Variants in ZNF573 observed in about 807,000 individuals in gnomAD.
The protein encoded by ZNF573 is zinc finger protein 573.
A neutral mutation model predicts 57.4 loss-of-function variants in ZNF573; 41 were observed. That is an observed-to-expected ratio of 0.71 (90% CI 0.56 to 0.93). The LOEUF is 0.93. Among genes scored for constraint, ZNF573 ranks in the 40% least tolerant of loss-of-function variants. The pLI is 0.00. For missense variants in ZNF573, 730 were observed against 794.8 expected, an observed-to-expected ratio of 0.92 and a Z score of 0.98; for synonymous variants, 249 against 261.0, an observed-to-expected ratio of 0.95 and a Z score of 0.44.
chr19:37,778,430 G>C (rs1477689314), intron 1 of ZNF573: 1 of 149,824 alleles, frequency 6.7e-6, no homozygotes, highest in African/African-American at 2.4e-5. Flanking sequence ...TCGAACTCCT[G>C]ACCTCAAGTG....
chr19:37,749,647 C>T (rs1034071094), intron 4 of ZNF573, among the ~76,000 whole-genome samples: 6 of 152,046 alleles, frequency 3.9e-5, no homozygotes, highest in African/African-American at 1.4e-4. Flanking sequence ...AAATGGAGTT[C>T]ACAAATACCA....
At chr19:37,746,041 C>G (rs767956157) in intron 4 of ZNF573, among the ~76,000 whole-genome samples, 3 of 152,044 alleles carry the variant, frequency 2.0e-5, no homozygotes, top group Non-Finnish European at 4.4e-5. Flanking sequence ...TTCAAAGGAT[C>G]AAGATTGTAT....
chr19:37,753,819 T>C (rs543007976), intron 4 of ZNF573, among the ~76,000 whole-genome samples: 2 of 152,330 alleles, frequency 1.3e-5, no homozygotes, highest in East Asian at 3.9e-4. Flanking sequence ...TTACACTTAG[T>C]GTTACTTAAA....
At chr19:37,745,461 G>A (rs1474385559) in intron 4 of ZNF573, among the ~76,000 whole-genome samples, 3 of 152,130 alleles carry the variant, frequency 2.0e-5, no homozygotes, top group Admixed American at 2.0e-4. Flanking sequence ...GCAGTGACAC[G>A]ATCTCAGCTC....
Position 37,771,758 on chromosome 19 carries a change from C to T in ZNF573, c.70-62G>A, listed in dbSNP as rs576176476. 40 of 1,524,678 alleles carry T rather than the reference C, an allele frequency of 2.6e-5. No homozygotes were observed. The South Asian group carries it at 4.4e-4, about 17-fold the overall frequency. The allele number at this position is 1,524,678 out of a possible 1,614,324, so 94.4% of individuals were successfully genotyped here. On this transcript the variant is annotated intron_variant, in intron 2 of 4. Coordinates refer to ENST00000536220, the MANE Select transcript of ZNF573 (RefSeq NM_001172690.2). Reference sequence around the variant, plus strand: ...TTAAAGAAGGAAAGATAGGAGATTACAAGAGCACATTAGAGAAAAGGAGTG... The same window carrying T: ...TTAAAGAAGGAAAGATAGGAGATTATAAGAGCACATTAGAGAAAAGGAGTG...
intron 4 of ZNF573, among the ~76,000 whole-genome samples, chr19:37,742,465 G>C (rs1364355616): frequency 1.3e-5 from 2 of 152,112 alleles, no homozygotes; most frequent in Admixed American, 1.3e-4. Flanking sequence ...CATGGTACTG[G>C]TACCAAAACA....
At chr19:37,758,441 A>C (rs932473549) in intron 4 of ZNF573, 2 of 150,290 alleles carry the variant, frequency 1.3e-5, no homozygotes, top group African/African-American at 4.9e-5. Flanking sequence ...TCTCTATTAA[A>C]AATACAAAAA....
intron 4 of ZNF573, among the ~76,000 whole-genome samples, chr19:37,742,120 G>T (rs2045333206): frequency 6.6e-6 from 1 of 152,108 alleles, no homozygotes; most frequent in African/African-American, 2.4e-5. Context: ...GCTAACAAGG[G>T]ATGTGAAGGA....
intron 4 of ZNF573, among the ~76,000 whole-genome samples, chr19:37,744,176 A>G (rs2045355286): frequency 6.6e-6 from 1 of 152,096 alleles, no homozygotes; most frequent in Non-Finnish European, 1.5e-5. Context: ...AAGGTATGAA[A>G]GGGTTTATAA....
chr19:37,764,329 T>C (rs2045581097), intron 4 of ZNF573, among the ~76,000 whole-genome samples: 1 of 151,204 alleles, frequency 6.6e-6, no homozygotes, highest in Non-Finnish European at 1.5e-5. Context: ...TTTTTGTTGT[T>C]TTTTTTTCTT....
chr19:37,752,979 G>T (rs1372090926), intron 4 of ZNF573, among the ~76,000 whole-genome samples: 10 of 152,032 alleles, frequency 6.6e-5, no homozygotes, highest in Non-Finnish European at 1.5e-4. Flanking sequence ...TTCAGGCTGG[G>T]TGTGGTAACT....
In ZNF573 at chr19:37,738,847, T is replaced by G; in HGVS notation, c.1643A>C (p.His548Pro). 1 of 1,612,688 alleles carries G rather than the reference T, an allele frequency of 6.2e-7. No homozygotes were observed. Among genetic ancestry groups the G allele is most frequent in the Non-Finnish European group, 8.5e-7 (1 of 1,179,626 alleles). ...YRNLTLHQSI[H>P]TDEKPFECKE... ...ACATTCAAAAGGTTTCTCATCAGTA[T>G]GAATACTTTGATGTAGAGTAAGATT... Residue 548 changes from histidine to proline, a missense_variant, in exon 5 of 5, where the codon CAT becomes CCT. By Grantham distance (77) the His-to-Pro change is moderately conservative. Coordinates refer to ENST00000536220, the MANE Select transcript of ZNF573 (RefSeq NM_001172690.2).
At chr19:37,753,527 T>C (rs1023773654) in intron 4 of ZNF573, among the ~76,000 whole-genome samples, 2 of 152,076 alleles carry the variant, frequency 1.3e-5, no homozygotes, top group African/African-American at 4.8e-5. Flanking sequence ...AGAAGAAGTA[T>C]ATTTGTAAAT....
rs1172712959 is a variant in ZNF573 at position 37,739,877 on chromosome 19, G to A, written c.613C>T (p.Leu205=). ...CGKNFRSGYQ[L]TVHQRFHTGE... Reference sequence around the variant, plus strand: ...GTATGAAATCTCTGATGCACAGTCAGCTGATAACCACTTCTAAAGTTCTTC... The same window carrying A: ...GTATGAAATCTCTGATGCACAGTCAACTGATAACCACTTCTAAAGTTCTTC... The change falls in exon 5 of 5, where the codon CTG becomes TTG. Residue 205 remains leucine, a synonymous_variant. Transcript: ENST00000536220. 1.4e-5 allele frequency: 23 copies of A among 1,613,898 alleles called. No homozygotes were observed. The Admixed American group carries it at 3.5e-4, about 25-fold the overall frequency.
Position 37,738,821 on chromosome 19 carries a change from T to C in ZNF573, c.1669A>G (p.Lys557Glu). ...IHTDEKPFEC[K>E]ECGKTFRRSS... is the part of the protein sequence containing the mutation. ...CGTCTAAAGGTCTTCCCACATTCCT[T>C]ACATTCAAAAGGTTTCTCATCAGTA... The change falls in exon 5 of 5, where the codon AAG becomes GAG. Residue 557 changes from lysine (K) to glutamate (E), a missense_variant. Coordinates refer to ENST00000536220, the MANE Select transcript of ZNF573 (RefSeq NM_001172690.2). 1 of 1,613,738 alleles carries C rather than the reference T, an allele frequency of 6.2e-7. No homozygotes were observed. The highest frequency in any genetic ancestry group is 8.5e-7 in the Non-Finnish European group (1 of 1,179,942).
At position 37,773,715 on chromosome 19, in the gene ZNF573, C is replaced by T. The variant is rs1402434960; in HGVS notation, c.15G>A (p.Leu5=). The change falls in exon 2 of 5, where the codon TTG becomes TTA. Residue 5 remains leucine, a synonymous_variant. Transcript: ENST00000536220. ...TGATCAGTCCTACTTGGTGGGGTTC[C>T]AATACTGGAAACATTCAAACTCCAG... MFPV[L]EPHQVGLIRS... The T allele has an allele frequency of 7.8e-6, 12 of 1,535,582 alleles. No individual in the cohort carries two copies. The South Asian group carries it at 1.3e-4, about 17-fold the overall frequency.
intron 4 of ZNF573, among the ~76,000 whole-genome samples, chr19:37,750,622 A>G (rs1490484542): frequency 6.6e-6 from 1 of 152,158 alleles, no homozygotes; most frequent in Admixed American, 6.6e-5. Context: ...ATGATTCCTA[A>G]GAAAAATTTT....
chr19:37,741,163 T>C (rs1172437183), intron 4 of ZNF573, among the ~76,000 whole-genome samples: 5 of 152,212 alleles, frequency 3.3e-5, no homozygotes, highest in Admixed American at 2.0e-4. Flanking sequence ...TCTCATCCTT[T>C]ATGTTTCAGA....
intron 4 of ZNF573, among the ~76,000 whole-genome samples, chr19:37,746,138 ATACTGCT>A (rs2045380125): frequency 6.6e-6 from 1 of 152,262 alleles, no homozygotes; most frequent in Admixed American, 6.5e-5. Flanking sequence ...TGGTAATTAT[ATACTGCT>A]TGTAGGTAAT....
Sources: gnomAD v4.1 joint callset for allele counts (sites outside exome capture counted in the v4.1 genomes callset) on GRCh38, gnomAD v4.1.1 for gene constraint, MANE v1.5 for transcripts, NCBI Gene and HGNC (gene_info 2026-07-23, HGNC 2026-07-21) for gene names.